The following PDSS2 variants were observed in gnomAD, a reference collection of about 807,000 sequenced individuals.
PDSS2 encodes all trans-polyprenyl-diphosphate synthase PDSS2.
Under a neutral mutation model 44.5 loss-of-function variants are expected in PDSS2, and 31 were observed. That is an observed-to-expected ratio of 0.70 (90% CI 0.52 to 0.94). The LOEUF is 0.94. Among genes scored for constraint, PDSS2 ranks in the 40% least tolerant of loss-of-function variants. PDSS2 has a pLI of 0.00. For synonymous variants in PDSS2, 157 were observed against 180.3 expected (o/e 0.87, Z 1.03); for missense variants, 452 against 482.2 (o/e 0.94, Z 0.59).
chr6:107,284,522 G>A (rs929905484), intron 2 of PDSS2, among the ~76,000 whole-genome samples: 4 of 151,928 alleles, frequency 2.6e-5, no homozygotes, highest in Admixed American at 6.6e-5. Flanking sequence ...TTAGCCTGGC[G>A]TGGTGGCAGG....
intron 2 of PDSS2, among the ~76,000 whole-genome samples, chr6:107,296,343 TTGAAGC>T: frequency 6.6e-6 from 1 of 152,192 alleles, no homozygotes; most frequent in Non-Finnish European, 1.5e-5. Flanking sequence ...TATGATGCCT[TTGAAGC>T]ATGAGTATGA....
At chr6:107,386,379 TAA>T (rs57917321) in intron 1 of PDSS2, among the ~76,000 whole-genome samples, 44 of 143,588 alleles carry the variant, frequency 3.1e-4, no homozygotes, top group African/African-American at 1.0e-3. Flanking sequence ...TGTCATTTTC[TAA>T]AAAAAAAAAA....
chr6:107,371,751 C>T (rs1259219887), intron 1 of PDSS2, among the ~76,000 whole-genome samples: 1 of 152,138 alleles, frequency 6.6e-6, no homozygotes, highest in East Asian at 1.9e-4. Flanking sequence ...ACCTTAGATG[C>T]CAGTTCCTTG....
intron 4 of PDSS2, among the ~76,000 whole-genome samples, chr6:107,231,416 T>C (rs962039445): frequency 1.3e-5 from 2 of 152,180 alleles, no homozygotes; most frequent in African/African-American, 4.8e-5. Flanking sequence ...GGATACCTGC[T>C]GAACTCCTGC....
intron 4 of PDSS2, among the ~76,000 whole-genome samples, chr6:107,241,134 A>G (rs530539227): frequency 1.3e-5 from 2 of 151,244 alleles, no homozygotes; most frequent in Admixed American, 6.6e-5. Flanking sequence ...CTGTAGTCCC[A>G]ACTACTTGCA....
intron 7 of PDSS2, among the ~76,000 whole-genome samples, chr6:107,166,981 G>A (rs1263368215): frequency 6.6e-6 from 1 of 152,220 alleles, no homozygotes; most frequent in Non-Finnish European, 1.5e-5. Flanking sequence ...TCAGGATAAT[G>A]CTGGCCTCAT....
chr6:107,166,500 G>A (rs1485375626), intron 7 of PDSS2, among the ~76,000 whole-genome samples: 5 of 151,866 alleles, frequency 3.3e-5, no homozygotes, highest in Admixed American at 2.0e-4. Context: ...GAGTAGCTGG[G>A]ACTACAGGCG....
intron 1 of PDSS2, among the ~76,000 whole-genome samples, chr6:107,340,270 G>T (rs1778040764): frequency 6.6e-6 from 1 of 152,104 alleles, no homozygotes; most frequent in Non-Finnish European, 1.5e-5. Context: ...ATCTATAATA[G>T]ATAAAGAGTA....
At chr6:107,283,808 G>A (rs1246934904) in intron 2 of PDSS2, among the ~76,000 whole-genome samples, 2 of 151,924 alleles carry the variant, frequency 1.3e-5, no homozygotes, top group South Asian at 2.1e-4. Flanking sequence ...CAAGGCAGGC[G>A]AATCACCTGA....
intron 5 of PDSS2, among the ~76,000 whole-genome samples, chr6:107,211,034 G>A (rs1773186479): frequency 6.6e-6 from 1 of 151,398 alleles, no homozygotes; most frequent in African/African-American, 2.4e-5. Flanking sequence ...ACAATAACCT[G>A]TAAAATTCTC....
intron 1 of PDSS2, among the ~76,000 whole-genome samples, chr6:107,338,414 G>A (rs568939824): frequency 6.6e-6 from 1 of 152,302 alleles, no homozygotes; most frequent in African/African-American, 2.4e-5. Context: ...AGCCAAGAGT[G>A]TACTGAATGC....
At chr6:107,448,145 G>A (rs1421159924) in intron 1 of PDSS2, among the ~76,000 whole-genome samples, 3 of 152,172 alleles carry the variant, frequency 2.0e-5, no homozygotes, top group African/African-American at 7.2e-5. Flanking sequence ...CTAGGTCTAT[G>A]ATGGGAGGGG....
rs1291726693 is a variant in PDSS2 at position 107,241,404 on chromosome 6, T to C, written c.702+4144A>G. Among the ~76,000 whole-genome samples, 4 of 133,388 alleles carry C rather than the reference T, an allele frequency of 3.0e-5. No individual in the cohort carries two copies. The Admixed American group carries it at 3.4e-4, about 11-fold the overall frequency. 87.5% of individuals were successfully genotyped at this position (133,388 alleles called of 152,430 possible). A position where few individuals can be genotyped will look rare whatever the true frequency, so the allele number is the denominator to read the frequency against. On this transcript the variant is annotated intron_variant, in intron 4 of 7. Coordinates refer to ENST00000369037, the MANE Select transcript of PDSS2 (RefSeq NM_020381.4). ...GCTCTGTCCCCAGGCTGGAGTGCAG[T>C]GGCGAGATATCGGCTCACTGCAAGC...
intron 7 of PDSS2, among the ~76,000 whole-genome samples, chr6:107,185,123 T>TA (rs11317647): frequency 0.016 from 1,455 of 88,734 alleles, 32 homozygotes; most frequent in African/African-American, 0.056. Flanking sequence ...ACCTTATATC[T>TA]AAAAAAAAAA....
At chr6:107,194,732 A>G (rs1772494396) in intron 6 of PDSS2, among the ~76,000 whole-genome samples, 1 of 151,644 alleles carries the variant, frequency 6.6e-6, no homozygotes, top group Non-Finnish European at 1.5e-5. Context: ...CAGGCGGATC[A>G]CCTGAGGTCA....
chr6:107,302,373 A>G (rs1776723398), intron 2 of PDSS2, among the ~76,000 whole-genome samples: 1 of 151,902 alleles, frequency 6.6e-6, no homozygotes, highest in African/African-American at 2.4e-5. Context: ...TCCTGGGCTC[A>G]AAGGATCCTC....
chr6:107,372,700 C>A (rs920150941), intron 1 of PDSS2, among the ~76,000 whole-genome samples: 2 of 152,170 alleles, frequency 1.3e-5, no homozygotes, highest in African/African-American at 4.8e-5. Flanking sequence ...GATCTGCCCG[C>A]CTCGGCCTCC....
chr6:107,265,737 T>C (rs1399672250), intron 3 of PDSS2, among the ~76,000 whole-genome samples: 1 of 151,628 alleles, frequency 6.6e-6, no homozygotes, highest in East Asian at 1.9e-4. Flanking sequence ...AGGTTAGGAG[T>C]TCAAGACCAG....
At chr6:107,282,889 G>T (rs961636098) in intron 2 of PDSS2, among the ~76,000 whole-genome samples, 2 of 145,576 alleles carry the variant, frequency 1.4e-5, no homozygotes, top group African/African-American at 5.0e-5. Context: ...AAAAAAAGAA[G>T]AATTTTTTTT....
Sources: gnomAD v4.1 joint callset for allele counts (sites outside exome capture counted in the v4.1 genomes callset) on GRCh38, gnomAD v4.1.1 for gene constraint, MANE v1.5 for transcripts, NCBI Gene and HGNC (gene_info 2026-07-23, HGNC 2026-07-21) for gene names.